MACROD2: variants seen among roughly 807,000 people sequenced by gnomAD.
MACROD2 encodes mono-ADP ribosylhydrolase 2.
Under a neutral mutation model 70.4 loss-of-function variants are expected in MACROD2, and 36 were observed. The observed-to-expected ratio is 0.51, with a 90% CI of 0.39 to 0.68. The LOEUF (loss-of-function observed/expected upper bound fraction) is 0.68, where lower values mean the gene tolerates loss of function less well. Among genes scored for constraint, MACROD2 ranks in the 30% least tolerant of loss-of-function variants. The pLI is 0.00. For missense variants in MACROD2, 496 were observed against 538.4 expected (o/e 0.92, Z 0.78); for synonymous variants, 172 against 178.8 (o/e 0.96, Z 0.30).
intron 8 of MACROD2, among the ~76,000 whole-genome samples, chr20:15,539,919 C>T (rs1460937226): frequency 6.6e-6 from 1 of 152,268 alleles, no homozygotes; most frequent in Admixed American, 6.5e-5. Flanking sequence ...ACCCGGGAGG[C>T]GGAGCTTGAA....
At chr20:14,054,301 A>G (rs2180404) in intron 2 of MACROD2, among the ~76,000 whole-genome samples, 23,086 of 151,738 alleles carry the variant, frequency 0.15, 1,936 homozygotes, top group Admixed American at 0.22. Context: ...ATGAGGAGGA[A>G]TTCCAAAAGC....
chr20:15,036,644 G>A (rs1466617372), intron 5 of MACROD2, among the ~76,000 whole-genome samples: 2 of 151,936 alleles, frequency 1.3e-5, no homozygotes, highest in Non-Finnish European at 2.9e-5. Flanking sequence ...GTGATTTTTA[G>A]GGGTAAGGTT....
intron 3 of MACROD2, among the ~76,000 whole-genome samples, chr20:14,183,227 G>A (rs571864659): frequency 6.6e-6 from 1 of 151,146 alleles, no homozygotes; most frequent in Non-Finnish European, 1.5e-5. Flanking sequence ...TCCCCTCTAT[G>A]GGTCCATATG....
intron 7 of MACROD2, among the ~76,000 whole-genome samples, chr20:15,459,469 C>G (rs2046779009): frequency 6.6e-6 from 1 of 152,082 alleles, no homozygotes; most frequent in Admixed American, 6.5e-5. Flanking sequence ...CCCCACTATC[C>G]TTGTATAGAA....
chr20:16,046,801 C>T (rs1568734719), intron 17 of MACROD2, among the ~76,000 whole-genome samples: 2 of 151,056 alleles, frequency 1.3e-5, no homozygotes, highest in Non-Finnish European at 2.9e-5. Flanking sequence ...ATGCCTCTGC[C>T]TCCTGAGTAG....
chr20:15,490,233 C>CTCCCTTCCCTTCCCTTCCCT (rs199942986), intron 7 of MACROD2, among the ~76,000 whole-genome samples: 67 of 114,318 alleles, frequency 5.9e-4, no homozygotes, highest in African/African-American at 1.9e-3. Context: ...CCCTTCCTTC[C>CTCCCTTCCCTTCCCTTCCCT]TCCCTTCCCT....
intron 5 of MACROD2, among the ~76,000 whole-genome samples, chr20:15,134,272 T>A (rs1161334784): frequency 2.1e-5 from 3 of 145,880 alleles, no homozygotes; most frequent in South Asian, 2.4e-4. Flanking sequence ...ACCTGTAATC[T>A]CAGCACTTTG....
chr20:14,547,235 A>G, intron 4 of MACROD2: 1 of 582,178 alleles, frequency 1.7e-6, no homozygotes, highest in Non-Finnish European at 2.4e-6. Context: ...GGCTCCATGC[A>G]GGAGGGACAC....
intron 5 of MACROD2, among the ~76,000 whole-genome samples, chr20:14,898,853 C>T (rs893455170): frequency 2.0e-5 from 3 of 152,150 alleles, no homozygotes; most frequent in African/African-American, 7.2e-5. Flanking sequence ...GAGGCCCTCC[C>T]TCCCAACAAA....
At chr20:14,375,710 G>C (rs1281621253) in intron 3 of MACROD2, among the ~76,000 whole-genome samples, 1 of 152,160 alleles carries the variant, frequency 6.6e-6, no homozygotes, top group South Asian at 2.1e-4. Flanking sequence ...TGAATGAATG[G>C]ATTGTCTCCG....
chr20:16,046,398 G>A (rs561510408), intron 17 of MACROD2, among the ~76,000 whole-genome samples: 3 of 151,814 alleles, frequency 2.0e-5, no homozygotes, highest in East Asian at 3.9e-4. Flanking sequence ...TGATACGGTT[G>A]AGGAGTTTCC....
At chr20:14,003,627 C>T in intron 2 of MACROD2, 1 of 454,716 alleles carries the variant, frequency 2.2e-6, no homozygotes, top group Non-Finnish European at 4.4e-6. Context: ...ATTTGCTGCC[C>T]ACCACCCCGT....
chr20:14,660,705 C>T (rs1045021164), intron 4 of MACROD2, among the ~76,000 whole-genome samples: 2 of 152,046 alleles, frequency 1.3e-5, no homozygotes, highest in Non-Finnish European at 2.9e-5. Context: ...TCGATTTCTC[C>T]CTCCTCTTTT....
intron 3 of MACROD2, among the ~76,000 whole-genome samples, chr20:14,220,561 G>C (rs927991632): frequency 6.6e-6 from 1 of 152,134 alleles, no homozygotes. Flanking sequence ...TTCTCATCTC[G>C]TTCAAATGGT....
At chr20:15,598,204 A>C (rs1055877610) in intron 8 of MACROD2, among the ~76,000 whole-genome samples, 10 of 152,236 alleles carry the variant, frequency 6.6e-5, no homozygotes, top group African/African-American at 2.4e-4. Context: ...AACATGTTTG[A>C]AGTTTAAATT....
At chr20:15,711,698 C>A (rs940605613) in intron 8 of MACROD2, among the ~76,000 whole-genome samples, 1 of 152,208 alleles carries the variant, frequency 6.6e-6, no homozygotes, top group Non-Finnish European at 1.5e-5. Context: ...GTATGTACTA[C>A]ATTCCTACCA....
intron 6 of MACROD2, among the ~76,000 whole-genome samples, chr20:15,338,888 T>C (rs1267721213): frequency 6.6e-6 from 1 of 151,640 alleles, no homozygotes; most frequent in Non-Finnish European, 1.5e-5. Flanking sequence ...AACTTTTCAG[T>C]TTATAAGCAT....
chr20:14,199,174 T>C (rs2081458606), intron 3 of MACROD2, among the ~76,000 whole-genome samples: 2 of 152,216 alleles, frequency 1.3e-5, no homozygotes, highest in African/African-American at 4.8e-5. Context: ...TTTGCCTACA[T>C]AAAATGATGG....
At chr20:15,996,507 T>G (rs371281732) in intron 15 of MACROD2, among the ~76,000 whole-genome samples, 2 of 152,210 alleles carry the variant, frequency 1.3e-5, no homozygotes, top group East Asian at 3.8e-4. Context: ...TTTTGATTAC[T>G]GACTCAAACT....
Sources: gnomAD v4.1 joint callset for allele counts (sites outside exome capture counted in the v4.1 genomes callset) on GRCh38, gnomAD v4.1.1 for gene constraint, MANE v1.5 for transcripts, NCBI Gene and HGNC (gene_info 2026-07-23, HGNC 2026-07-21) for gene names.